HS3ST4: variants seen among roughly 807,000 people sequenced by gnomAD.
The protein encoded by HS3ST4 is heparan sulfate-glucosamine 3-sulfotransferase 4, also known as heparan sulfate glucosamine 3-O-sulfotransferase 4.
HS3ST4 carries 17 observed loss-of-function variants against 29.2 expected under a neutral mutation model. The ratio of observed to expected loss-of-function variants is 0.58; its 90% CI spans 0.40 to 0.87. The LOEUF is 0.87. Among genes scored for constraint, HS3ST4 ranks in the 40% least tolerant of loss-of-function variants. The pLI, the probability that HS3ST4 is intolerant of heterozygous loss-of-function variation, is 0.00. For missense variants in HS3ST4, 627 were observed against 634.5 expected (o/e 0.99, Z 0.13); for synonymous variants, 314 against 285.7 (o/e 1.10, Z -1.00).
rs144735231 is a variant in HS3ST4 at position 25,727,756 on chromosome 16, G to A, written c.734+34605G>A. Among the ~76,000 whole-genome samples the A allele has an allele frequency of 1.2e-3, 184 of 152,156 alleles. 3 individuals are homozygous for A. The East Asian group carries it at 0.032, about 26-fold the overall frequency. Reference sequence around the variant, plus strand: ...TTTTTGATGCTGAATTATGCCATTCGGTACACCTCATGACTAGAATTATGA... The same window carrying A: ...TTTTTGATGCTGAATTATGCCATTCAGTACACCTCATGACTAGAATTATGA... On this transcript the variant is annotated intron_variant, in intron 1 of 1. Coordinates refer to ENST00000331351, the MANE Select transcript of HS3ST4 (RefSeq NM_006040.3).
At chr16:25,732,897 A>G (rs890808346) in intron 1 of HS3ST4, among the ~76,000 whole-genome samples, 1 of 152,190 alleles carries the variant, frequency 6.6e-6, no homozygotes, top group African/African-American at 2.4e-5. Flanking sequence ...GATGAAACAT[A>G]TCAGGCTTAT....
chr16:25,793,408 A>G, intron 1 of HS3ST4, among the ~76,000 whole-genome samples: 1 of 151,778 alleles, frequency 6.6e-6, no homozygotes, highest in East Asian at 1.9e-4. Context: ...ATGTTTGTGC[A>G]TTTATTTAGT....
intron 1 of HS3ST4, among the ~76,000 whole-genome samples, chr16:25,971,360 A>G (rs1444432605): frequency 2.0e-5 from 3 of 152,160 alleles, no homozygotes; most frequent in Admixed American, 6.5e-5. Context: ...TTCTCAACTC[A>G]TGCAATCTGT....
chr16:25,698,173 C>T (rs895693155), intron 1 of HS3ST4, among the ~76,000 whole-genome samples: 8 of 151,622 alleles, frequency 5.3e-5, no homozygotes, highest in East Asian at 3.9e-4. Flanking sequence ...TCAAGGAATC[C>T]GCCGTTCTCA....
At chr16:25,929,532 C>T (rs1968442867) in intron 1 of HS3ST4, among the ~76,000 whole-genome samples, 1 of 152,196 alleles carries the variant, frequency 6.6e-6, no homozygotes, top group African/African-American at 2.4e-5. Context: ...AGACCAAAGA[C>T]AGGAAGACAA....
intron 1 of HS3ST4, among the ~76,000 whole-genome samples, chr16:25,890,952 G>A (rs1308093866): frequency 6.6e-6 from 1 of 152,192 alleles, no homozygotes; most frequent in African/African-American, 2.4e-5. Flanking sequence ...GGGGCTGGCT[G>A]GGAAGGGAAT....
intron 1 of HS3ST4, among the ~76,000 whole-genome samples, chr16:25,828,292 C>A (rs1297022226): frequency 1.2e-5 from 1 of 81,104 alleles, no homozygotes; most frequent in Non-Finnish European, 2.4e-5. Context: ...TTCTTTCTTT[C>A]TTTCTTTCCC....
intron 1 of HS3ST4, among the ~76,000 whole-genome samples, chr16:26,064,778 G>A (rs1030379555): frequency 7.2e-5 from 11 of 151,868 alleles, no homozygotes; most frequent in East Asian, 1.9e-4. Flanking sequence ...CCATCACACC[G>A]GGCTGATTTT....
intron 1 of HS3ST4, among the ~76,000 whole-genome samples, chr16:26,011,449 A>G (rs1035208236): frequency 2.6e-5 from 4 of 152,168 alleles, no homozygotes; most frequent in Admixed American, 1.3e-4. Flanking sequence ...AATCCTGGCT[A>G]TTCGGGAGGC....
At chr16:26,092,262 AT>A (rs1462234379) in intron 1 of HS3ST4, among the ~76,000 whole-genome samples, 3 of 152,192 alleles carry the variant, frequency 2.0e-5, no homozygotes, top group Non-Finnish European at 4.4e-5. Flanking sequence ...ATTGGCCAAA[AT>A]AGCCTTCTCC....
chr16:25,783,498 A>C (rs1209550647), intron 1 of HS3ST4, among the ~76,000 whole-genome samples: 1 of 151,256 alleles, frequency 6.6e-6, no homozygotes, highest in Non-Finnish European at 1.5e-5. Flanking sequence ...CCAGTGGCAT[A>C]ATGACAATTT....
At chr16:26,010,935 A>G (rs4787799) in intron 1 of HS3ST4, among the ~76,000 whole-genome samples, 7,568 of 152,330 alleles carry the variant, frequency 0.05, 623 homozygotes, top group African/African-American at 0.16. Flanking sequence ...TCTCTAAAAT[A>G]GGAATGACAA....
chr16:25,847,047 T>G (rs1452608206), intron 1 of HS3ST4, among the ~76,000 whole-genome samples: 2 of 151,820 alleles, frequency 1.3e-5, no homozygotes, highest in Non-Finnish European at 2.9e-5. Flanking sequence ...TTTTCACATT[T>G]ACAGGTAAAT....
intron 1 of HS3ST4, among the ~76,000 whole-genome samples, chr16:25,944,097 G>A (rs66789009): frequency 0.37 from 56,423 of 151,916 alleles, 11,724 homozygotes; most frequent in African/African-American, 0.56. Context: ...CTGATCCACA[G>A]TGAAAGAGCC....
At chr16:25,828,294 T>TTCCCTCTC (rs749295777) in intron 1 of HS3ST4, among the ~76,000 whole-genome samples, 34 of 45,088 alleles carry the variant, frequency 7.5e-4, no homozygotes, top group Non-Finnish European at 1.2e-3. Context: ...CTTTCTTTCT[T>TTCCCTCTC]TCTTTCCCTC....
chr16:25,772,513 TG>T (rs1457714310), intron 1 of HS3ST4, among the ~76,000 whole-genome samples: 2 of 152,218 alleles, frequency 1.3e-5, no homozygotes, highest in African/African-American at 4.8e-5. Context: ...AGAGTTTTAA[TG>T]GGTTGATCCA....
chr16:25,903,020 C>CAAAAA (rs768153842), intron 1 of HS3ST4, among the ~76,000 whole-genome samples: 1 of 120,128 alleles, frequency 8.3e-6, no homozygotes, highest in Non-Finnish European at 1.8e-5. Context: ...GACTCTGCCT[C>CAAAAA]AAAAAAAAAA....
chr16:25,705,482 G>A (rs974784045), intron 1 of HS3ST4, among the ~76,000 whole-genome samples: 13 of 152,112 alleles, frequency 8.5e-5, no homozygotes, highest in African/African-American at 3.1e-4. Flanking sequence ...TGGCTAACAC[G>A]GTGAAACCCC....
intron 1 of HS3ST4, among the ~76,000 whole-genome samples, chr16:26,097,431 C>CA (rs1368548340): frequency 6.6e-6 from 1 of 152,178 alleles, no homozygotes; most frequent in Non-Finnish European, 1.5e-5. Context: ...TAACACCACA[C>CA]ATCTACAACT....
Sources: allele counts gnomAD v4.1 joint callset (sites outside exome capture counted in the v4.1 genomes callset), GRCh38; gene constraint gnomAD v4.1.1; transcripts MANE v1.5; gene names NCBI Gene and HGNC (gene_info 2026-07-23, HGNC 2026-07-21).